The following PPM1E variants were observed in gnomAD, a reference collection of about 807,000 sequenced individuals.
PPM1E encodes the protein protein phosphatase 1E.
A neutral mutation model predicts 65.9 loss-of-function variants in PPM1E; 20 were observed. That is an observed-to-expected ratio of 0.30 (90% CI 0.21 to 0.44). PPM1E has a LOEUF of 0.44. Ranked by LOEUF, PPM1E falls within the 20% of genes least tolerant of loss-of-function variation. The pLI, the probability that PPM1E is intolerant of heterozygous loss-of-function variation, is 1.00. For missense variants in PPM1E, 713 were observed against 953.1 expected (o/e 0.75, Z 3.32); for synonymous variants, 352 against 374.9 (o/e 0.94, Z 0.70).
intron 1 of PPM1E, among the ~76,000 whole-genome samples, chr17:58,871,708 T>C (rs2051071867): frequency 6.6e-6 from 1 of 151,630 alleles, no homozygotes; most frequent in African/African-American, 2.4e-5. Context: ...TCCACCTATT[T>C]GGGAGACTGA....
At chr17:58,845,280 T>C (rs1246377531) in intron 1 of PPM1E, among the ~76,000 whole-genome samples, 2 of 151,674 alleles carry the variant, frequency 1.3e-5, no homozygotes, top group Non-Finnish European at 2.9e-5. Context: ...TCTACAGTTC[T>C]GTTCATGGGT....
intron 2 of PPM1E, among the ~76,000 whole-genome samples, chr17:58,960,258 G>A (rs2029988523): frequency 6.6e-6 from 1 of 152,126 alleles, no homozygotes; most frequent in African/African-American, 2.4e-5. Context: ...CTCAAGTTGA[G>A]CAGGAAAACA....
intron 6 of PPM1E, among the ~76,000 whole-genome samples, chr17:58,979,014 C>T (rs1196303529): frequency 1.3e-5 from 2 of 152,150 alleles, no homozygotes; most frequent in Non-Finnish European, 2.9e-5. Context: ...TTATCCTGTT[C>T]CCTCAATTGA....
chr17:58,774,017 C>T (rs1354879733), intron 1 of PPM1E, among the ~76,000 whole-genome samples: 1 of 152,042 alleles, frequency 6.6e-6, no homozygotes, highest in African/African-American at 2.4e-5. Flanking sequence ...CAAAAATTAG[C>T]TGGGTGTGGT....
At chr17:58,958,255 G>A (rs1176070971) in intron 2 of PPM1E, among the ~76,000 whole-genome samples, 2 of 151,242 alleles carry the variant, frequency 1.3e-5, no homozygotes, top group Admixed American at 6.6e-5. Context: ...CTGTTACCCA[G>A]GCTGGAGGGC....
chr17:58,858,731 A>G (rs182380298), intron 1 of PPM1E, among the ~76,000 whole-genome samples: 7 of 152,294 alleles, frequency 4.6e-5, no homozygotes, highest in African/African-American at 1.2e-4. Context: ...ACACAACAAC[A>G]TATGTTGGTT....
rs774271250 is a variant in PPM1E, at chr17:58,980,377, C to T, written c.1614C>T (p.Ala538=). Reference sequence around the variant, plus strand: ...CTCAGCACCAGTGCTCAGCACCAGCCGACCTAGGCTATGATGGGCGTGTGG... The same window carrying T: ...CTCAGCACCAGTGCTCAGCACCAGCTGACCTAGGCTATGATGGGCGTGTGG... ...PWPQHQCSAP[A]DLGYDGRVDS... is the part of the protein sequence containing the mutation. The change falls in exon 7 of 7, where the codon GCC becomes GCT. Residue 538 remains alanine (A), a synonymous_variant. Transcript: ENST00000308249. This position sits in a 1 kb window ranked among gnomAD's most constrained non-coding sequence, Gnocchi z 4.7. 3.7e-6 allele frequency: 6 copies of T among 1,614,120 alleles called. No individual in the cohort carries two copies. Among genetic ancestry groups the T allele is most frequent in the East Asian group, 2.2e-5 (1 of 44,884 alleles).
At chr17:58,832,409 G>A (rs2050614520) in intron 1 of PPM1E, among the ~76,000 whole-genome samples, 2 of 151,886 alleles carry the variant, frequency 1.3e-5, no homozygotes, top group South Asian at 2.1e-4. Flanking sequence ...TTCTGCAAAG[G>A]GAAGAGTTTC....
At chr17:58,905,614 C>T (rs1363423523) in intron 1 of PPM1E, among the ~76,000 whole-genome samples, 1 of 151,728 alleles carries the variant, frequency 6.6e-6, no homozygotes, top group Non-Finnish European at 1.5e-5. Context: ...ATTTGGTTTG[C>T]TAATATTTAG....
intron 1 of PPM1E, among the ~76,000 whole-genome samples, chr17:58,797,545 A>G (rs539953269): frequency 6.6e-6 from 1 of 152,276 alleles, no homozygotes; most frequent in African/African-American, 2.4e-5. Context: ...GCATGTATTC[A>G]GTTATTTCTT....
intron 1 of PPM1E, among the ~76,000 whole-genome samples, chr17:58,830,463 A>G (rs1321506576): frequency 6.6e-6 from 1 of 151,692 alleles, no homozygotes; most frequent in Non-Finnish European, 1.5e-5. Flanking sequence ...ACCCACCACC[A>G]TGCCCGGCTG....
At chr17:58,760,379 A>G (rs570890937) in intron 1 of PPM1E, among the ~76,000 whole-genome samples, 4 of 152,032 alleles carry the variant, frequency 2.6e-5, no homozygotes, top group Non-Finnish European at 5.9e-5. Flanking sequence ...AACAAACAAA[A>G]CCAAAACCTG....
intron 1 of PPM1E, among the ~76,000 whole-genome samples, chr17:58,907,970 A>G (rs1044410119): frequency 6.6e-6 from 1 of 151,810 alleles, no homozygotes; most frequent in Admixed American, 6.6e-5. Context: ...TAGACTATTA[A>G]TGTTCAAAGT....
At chr17:58,806,000 C>CA (rs398079071) in intron 1 of PPM1E, among the ~76,000 whole-genome samples, 45 of 69,702 alleles carry the variant, frequency 6.5e-4, no homozygotes, top group East Asian at 2.1e-3. Context: ...CAAAACAAAA[C>CA]AAAAAAAAAA....
intron 1 of PPM1E, among the ~76,000 whole-genome samples, chr17:58,793,488 T>A (rs1428602232): frequency 1.3e-5 from 2 of 151,944 alleles, no homozygotes; most frequent in African/African-American, 4.8e-5. Flanking sequence ...CCTGAGTAGC[T>A]GGGACTACAG....
chr17:58,908,435 T>G (rs180963846), intron 1 of PPM1E, among the ~76,000 whole-genome samples: 1 of 151,846 alleles, frequency 6.6e-6, no homozygotes, highest in East Asian at 1.9e-4. Flanking sequence ...AAATTATGCT[T>G]CTTTTTATAC....
chr17:58,935,378 G>A (rs1418837503), intron 1 of PPM1E, among the ~76,000 whole-genome samples: 1 of 152,168 alleles, frequency 6.6e-6, no homozygotes, highest in Admixed American at 6.5e-5. Flanking sequence ...AGACTGAGAA[G>A]ACAGAACCCT....
At chr17:58,764,526 T>G (rs1459246834) in intron 1 of PPM1E, among the ~76,000 whole-genome samples, 1 of 152,012 alleles carries the variant, frequency 6.6e-6, no homozygotes, top group African/African-American at 2.4e-5. Flanking sequence ...GCCTCAAACT[T>G]CTGGGCTCAA....
At chr17:58,846,121 TG>T (rs1464822688) in intron 1 of PPM1E, among the ~76,000 whole-genome samples, 1 of 152,190 alleles carries the variant, frequency 6.6e-6, no homozygotes, top group Non-Finnish European at 1.5e-5. Context: ...TGATTACAAA[TG>T]TTATGATTAT....
Sources: allele counts gnomAD v4.1 joint callset (sites outside exome capture counted in the v4.1 genomes callset), GRCh38; gene constraint gnomAD v4.1.1; non-coding constraint Gnocchi (gnomAD v3.1); transcripts MANE v1.5; gene names NCBI Gene and HGNC (gene_info 2026-07-23, HGNC 2026-07-21).